The following ADAMTSL1 variants were observed in gnomAD, a reference collection of about 807,000 sequenced individuals.
ADAMTSL1 encodes the protein ADAMTS-like protein 1.
Under a neutral mutation model 201.8 loss-of-function variants are expected in ADAMTSL1, and 126 were observed. The observed-to-expected ratio is 0.62, with a 90% CI of 0.54 to 0.72. The LOEUF is 0.72. Among genes scored for constraint, ADAMTSL1 ranks in the 30% least tolerant of loss-of-function variants. The probability of loss-of-function intolerance (pLI) is 0.00; values close to 1 mark genes in which losing one functional copy is unlikely to be tolerated. For missense variants in ADAMTSL1, 2,679 were observed against 2,277.8 expected, an observed-to-expected ratio of 1.18 and a Z score of -3.59; for synonymous variants, 1,121 against 903.4, an observed-to-expected ratio of 1.24 and a Z score of -4.32.
At chr9:18,851,268 A>T (rs886249698) in intron 23 of ADAMTSL1, among the ~76,000 whole-genome samples, 1 of 152,156 alleles carries the variant, frequency 6.6e-6, no homozygotes, top group Non-Finnish European at 1.5e-5. Context: ...CACAGAAGCA[A>T]TGGTGAGAAA....
chr9:18,063,211 T>C (rs1386915446), intron 1 of ADAMTSL1, among the ~76,000 whole-genome samples: 7 of 152,132 alleles, frequency 4.6e-5, no homozygotes, highest in African/African-American at 1.4e-4. Flanking sequence ...TAGTTGGGCA[T>C]GGTGGTGTCT....
At chr9:18,891,794 CG>C (rs1829291829) in intron 25 of ADAMTSL1, among the ~76,000 whole-genome samples, 1 of 152,224 alleles carries the variant, frequency 6.6e-6, no homozygotes, top group South Asian at 2.1e-4. Context: ...GGAGGTGACA[CG>C]AATTTGGATC....
At chr9:18,013,566 C>G (rs1820139752) in intron 1 of ADAMTSL1, among the ~76,000 whole-genome samples, 1 of 152,058 alleles carries the variant, frequency 6.6e-6, no homozygotes, top group African/African-American at 2.4e-5. Context: ...AACACGGATT[C>G]TAAAACCTTA....
At chr9:18,326,345 G>C (rs775669035) in intron 2 of ADAMTSL1, among the ~76,000 whole-genome samples, 3 of 151,922 alleles carry the variant, frequency 2.0e-5, no homozygotes, top group Non-Finnish European at 4.4e-5. Context: ...CATCGATTGT[G>C]GTGGTGATGT....
intron 2 of ADAMTSL1, among the ~76,000 whole-genome samples, chr9:18,369,716 T>C (rs756871816): frequency 3.9e-5 from 6 of 152,208 alleles, no homozygotes; most frequent in Non-Finnish European, 8.8e-5. Context: ...ATTACAGCAC[T>C]ATTCACAATA....
intron 1 of ADAMTSL1, among the ~76,000 whole-genome samples, chr9:17,989,873 T>G (rs1460339127): frequency 1.3e-5 from 2 of 151,766 alleles, no homozygotes; most frequent in African/African-American, 4.8e-5. Context: ...AGTCTTCAAG[T>G]ATTCTAAGGG....
intron 3 of ADAMTSL1, among the ~76,000 whole-genome samples, chr9:18,573,552 A>G (rs564842231): frequency 5.1e-4 from 77 of 152,332 alleles, no homozygotes; most frequent in South Asian, 1.7e-3. Context: ...AACTCCACAA[A>G]AACTTTTTGA....
At chr9:18,335,321 A>T (rs4246141) in intron 2 of ADAMTSL1, among the ~76,000 whole-genome samples, 89,300 of 151,900 alleles carry the variant, frequency 0.59, 26,549 homozygotes, top group Admixed American at 0.71. Flanking sequence ...CTTTTTTATT[A>T]TGTTTATTTA....
chr9:17,974,800 T>A (rs889210679), intron 1 of ADAMTSL1, among the ~76,000 whole-genome samples: 10 of 152,228 alleles, frequency 6.6e-5, no homozygotes, highest in African/African-American at 2.2e-4. Context: ...TTAGGTTGTT[T>A]CCATATGTTG....
Position 18,320,486 on chromosome 9 carries a change from G to A in ADAMTSL1, c.207+156505G>A, listed in dbSNP as rs141732461. Among the ~76,000 whole-genome samples the A allele has an allele frequency of 2.1e-4, 32 of 152,242 alleles. No individual in the cohort carries two copies. In the East Asian group the frequency reaches 4.4e-3, roughly 21 times the overall value. On this transcript the variant is annotated intron_variant, in intron 2 of 29. Transcript: ENST00000680146. ...GGAAAGCTGAGAGAATTTGGTGCCCGCAGATCTACAGTGTAACAACTGCTA... is the reference window on the plus strand; with the variant it reads ...GGAAAGCTGAGAGAATTTGGTGCCCACAGATCTACAGTGTAACAACTGCTA...
At chr9:18,180,103 C>T (rs1479038641) in intron 2 of ADAMTSL1, among the ~76,000 whole-genome samples, 2 of 152,048 alleles carry the variant, frequency 1.3e-5, no homozygotes, top group Non-Finnish European at 2.9e-5. Flanking sequence ...GAGTCAAGAC[C>T]CATCACTGTG....
At chr9:18,077,584 A>C (rs1366034835) in intron 1 of ADAMTSL1, among the ~76,000 whole-genome samples, 33 of 152,200 alleles carry the variant, frequency 2.2e-4, no homozygotes, top group Non-Finnish European at 2.9e-5. Context: ...GTTTCAAAGA[A>C]AGGAGTGGTG....
At chr9:18,882,000 A>C (rs1828564774) in intron 23 of ADAMTSL1, among the ~76,000 whole-genome samples, 1 of 152,192 alleles carries the variant, frequency 6.6e-6, no homozygotes, top group Admixed American at 6.5e-5. Flanking sequence ...TCTGATTCCA[A>C]GGAGGAGGGA....
intron 2 of ADAMTSL1, among the ~76,000 whole-genome samples, chr9:18,443,685 T>C (rs1011369704): frequency 2.6e-5 from 4 of 151,988 alleles, no homozygotes; most frequent in African/African-American, 9.7e-5. Context: ...CCTAGGTGTG[T>C]ACTGTACTGA....
chr9:18,651,732 A>G (rs1444875783), intron 7 of ADAMTSL1, among the ~76,000 whole-genome samples: 2 of 152,146 alleles, frequency 1.3e-5, no homozygotes, highest in Non-Finnish European at 2.9e-5. Context: ...TTCTGCTTGC[A>G]TCAGTTAGAG....
At chr9:18,821,385 G>A (rs1240184723) in intron 21 of ADAMTSL1, among the ~76,000 whole-genome samples, 1 of 152,092 alleles carries the variant, frequency 6.6e-6, no homozygotes, top group Non-Finnish European at 1.5e-5. Context: ...TCTCCATAGG[G>A]GTTACCTCTA....
At position 18,319,733 on chromosome 9, in the gene ADAMTSL1, C is replaced by T. The variant is rs536445645; in HGVS notation, c.207+155752C>T. Among the ~76,000 whole-genome samples, 6 of 152,234 alleles carry T rather than the reference C, an allele frequency of 3.9e-5. No individual in the cohort carries two copies. In the South Asian group the frequency reaches 1.0e-3, roughly 26 times the overall value. On this transcript the variant is annotated intron_variant, in intron 2 of 29. Transcript: ENST00000680146. ...TATTAAAATGGCAGGTGAGTTCTCA[C>T]CAGAATAGAGTCTATGGTTGGCAGA...
At chr9:18,643,056 A>C (rs776747) in intron 7 of ADAMTSL1, among the ~76,000 whole-genome samples, 143,513 of 152,136 alleles carry the variant, frequency 0.94, 67,722 homozygotes, top group East Asian at 0.99. Context: ...CCATAGTATC[A>C]AAGGGTTCCC....
rs1207821851 is a variant in ADAMTSL1, at chr9:18,772,517, G to C, written c.2397+1736G>C. ...TCAGACTCAAAGACAGGCAAACCTA[G>C]GTTCAAATCCTGACTCTGCCACTTA... is the stretch of plus-strand genomic sequence containing the variant. On this transcript the variant is annotated intron_variant, in intron 17 of 28. Coordinates refer to ENST00000380548, the MANE Select transcript of ADAMTSL1 (RefSeq NM_001040272.6). Among the ~76,000 whole-genome samples, 3 of 152,162 alleles carry C rather than the reference G, an allele frequency of 2.0e-5. No homozygotes were observed. In the East Asian group the frequency reaches 5.8e-4, roughly 29 times the overall value.
Sources: gnomAD v4.1 joint callset for allele counts (sites outside exome capture counted in the v4.1 genomes callset) on GRCh38, gnomAD v4.1.1 for gene constraint, MANE v1.5 for transcripts, NCBI Gene and HGNC (gene_info 2026-07-23, HGNC 2026-07-21) for gene names.